The following PDE3B variants were observed in gnomAD, a reference collection of about 807,000 sequenced individuals.
The protein encoded by PDE3B is phosphodiesterase 3B.
Under a neutral mutation model 116.8 loss-of-function variants are expected in PDE3B, and 66 were observed. The ratio of observed to expected loss-of-function variants is 0.56; its 90% confidence interval spans 0.46 to 0.69. The LOEUF (loss-of-function observed/expected upper bound fraction) is 0.69, where lower values mean the gene tolerates loss of function less well. Among genes scored for constraint, PDE3B ranks in the 30% least tolerant of loss-of-function variants. The pLI, the probability that PDE3B is intolerant of heterozygous loss-of-function variation, is 0.00. For synonymous variants in PDE3B, 595 were observed against 533.6 expected (o/e 1.12, Z -1.59); for missense variants, 1,384 against 1,368.1 (o/e 1.01, Z -0.18).
chr11:14,644,326 C>T lies in PDE3B; in HGVS notation c.251C>T (p.Ala84Val), dbSNP rs755210946. The T allele has an allele frequency of 7.8e-5, 123 of 1,572,440 alleles. No homozygotes were observed. The highest frequency in any genetic ancestry group is 1.1e-4 in the Non-Finnish European group (123 of 1,164,630). ...PFCRARLSLG[A>V]LAAFVLALLL... is the part of the protein sequence containing the mutation. ...TGCCGGGCGCGCCTCTCGCTGGGCG[C>T]CCTGGCTGCCTTTGTCCTCGCCCTG... Residue 84 changes from alanine to valine, a missense_variant, in exon 1 of 16, where the codon GCC (alanine) becomes GTC (valine). Ala to Val is a moderately conservative substitution (Grantham distance 64). Coordinates refer to ENST00000282096, the MANE Select transcript of PDE3B (RefSeq NM_000922.4).
the PDE3B span, chr11:14,880,521 G>A: frequency 1.4e-5 from 22 of 1,613,452 alleles, no homozygotes; most frequent in Admixed American, 6.7e-5. Context: ...GCTGAAAATC[G>A]GTGTCTTCAT....
chr11:14,845,000 G>A (rs1285980383), intron 12 of PDE3B, among the ~76,000 whole-genome samples: 2,313 of 152,244 alleles, frequency 0.015, 56 homozygotes, highest in African/African-American at 0.053. Context: ...CTCCCAGCAC[G>A]CAGCTGGAGA....
At chr11:14,736,398 G>A (rs1212130283) in intron 1 of PDE3B, among the ~76,000 whole-genome samples, 4 of 152,128 alleles carry the variant, frequency 2.6e-5, no homozygotes, top group Non-Finnish European at 5.9e-5. Context: ...GCACATTTTC[G>A]TAGAGAACAC....
At chr11:14,824,244 C>T (rs112645679) in intron 7 of PDE3B, among the ~76,000 whole-genome samples, 2,008 of 152,292 alleles carry the variant, frequency 0.013, 102 homozygotes, top group East Asian at 0.075. Flanking sequence ...CCTAAATGGT[C>T]AGTATCTTAT....
At chr11:14,746,545 T>G (rs1284633612) in intron 1 of PDE3B, among the ~76,000 whole-genome samples, 1 of 152,220 alleles carries the variant, frequency 6.6e-6, no homozygotes, top group Non-Finnish European at 1.5e-5. Context: ...ATGTCTTAGT[T>G]GCCCTTTTCT....
At chr11:14,771,104 A>G (rs748490102) in intron 1 of PDE3B, among the ~76,000 whole-genome samples, 3 of 151,750 alleles carry the variant, frequency 2.0e-5, no homozygotes, top group Non-Finnish European at 4.4e-5. Context: ...TATAGAAATT[A>G]TGAGATTATA....
the PDE3B span, chr11:14,880,538 A>C: frequency 6.2e-7 from 1 of 1,613,522 alleles, no homozygotes; most frequent in African/African-American, 1.3e-5. Flanking sequence ...TCATAAGTGA[A>C]TCGTTCTCCA....
intron 2 of PDE3B, among the ~76,000 whole-genome samples, chr11:14,783,668 G>A (rs1415184168): frequency 6.6e-6 from 1 of 152,034 alleles, no homozygotes. Context: ...TGTAAATGAG[G>A]AGTTGATGGG....
intron 1 of PDE3B, chr11:14,673,500 A>G (rs12290926): frequency 0.39 from 130,612 of 331,350 alleles, 27,968 homozygotes; most frequent in South Asian, 0.47. Context: ...AACATCTTCA[A>G]AGCACATCGT....
intron 1 of PDE3B, among the ~76,000 whole-genome samples, chr11:14,768,273 A>G (rs766332783): frequency 6.6e-6 from 1 of 151,562 alleles, no homozygotes; most frequent in Non-Finnish European, 1.5e-5. Context: ...AACAGACACC[A>G]TCAACCCACC....
chr11:14,879,298 T>G, the PDE3B span: 11 of 1,613,322 alleles, frequency 6.8e-6, no homozygotes, highest in Admixed American at 1.8e-4. Context: ...CTTCAGAGGT[T>G]GCATGGAAAA....
intron 1 of PDE3B, among the ~76,000 whole-genome samples, chr11:14,690,589 C>G (rs1650655011): frequency 1.4e-5 from 2 of 141,318 alleles, no homozygotes; most frequent in African/African-American, 5.2e-5. Flanking sequence ...ACCTTTGTAT[C>G]TAATTTTGTA....
rs763838039 is a variant in PDE3B, at chr11:14,644,061, C to T, written c.-15C>T. ...CGGGGTGTGCTGAGTCCCGTGGCCACCCCCGGCCCCAGCCATGAGGAGGGA... is the reference window on the plus strand; with the variant it reads ...CGGGGTGTGCTGAGTCCCGTGGCCATCCCCGGCCCCAGCCATGAGGAGGGA... On this transcript the variant is annotated 5_prime_UTR_variant, in exon 1 of 16. Coordinates refer to ENST00000282096, the MANE Select transcript of PDE3B (RefSeq NM_000922.4). The T allele has an allele frequency of 1.9e-5, 29 of 1,498,650 alleles. No individual in the cohort carries two copies. The South Asian group carries it at 2.7e-4, about 14-fold the overall frequency. 92.8% of individuals were successfully genotyped at this position (1,498,650 alleles called of 1,614,324 possible). A position where few individuals can be genotyped will look rare whatever the true frequency, so the allele number is the denominator to read the frequency against.
At chr11:14,775,080 C>T (rs528481357) in intron 2 of PDE3B, 8 of 152,294 alleles carry the variant, frequency 5.3e-5, no homozygotes, top group South Asian at 2.1e-4. Flanking sequence ...AATTGCATTG[C>T]GTTCTATCAC....
intron 1 of PDE3B, among the ~76,000 whole-genome samples, chr11:14,763,425 A>G (rs1228233358): frequency 1.3e-5 from 2 of 152,120 alleles, no homozygotes; most frequent in Admixed American, 6.6e-5. Flanking sequence ...CAACCAATAA[A>G]GACAACTCTT....
chr11:14,868,697 G>C (rs1848091062), intron 15 of PDE3B, among the ~76,000 whole-genome samples: 1 of 152,038 alleles, frequency 6.6e-6, no homozygotes, highest in African/African-American at 2.4e-5. Flanking sequence ...GACCAGACAG[G>C]AAAACTACAA....
intron 1 of PDE3B, among the ~76,000 whole-genome samples, chr11:14,702,864 T>A (rs140724599): frequency 6.6e-6 from 1 of 151,858 alleles, no homozygotes; most frequent in Non-Finnish European, 1.5e-5. Context: ...TTATCTACCA[T>A]CATCTGTCCC....
At chr11:14,820,625 T>A (rs1859487897) in intron 7 of PDE3B, among the ~76,000 whole-genome samples, 1 of 152,186 alleles carries the variant, frequency 6.6e-6, no homozygotes, top group Non-Finnish European at 1.5e-5. Context: ...GTCGAAATCC[T>A]ATACCCTGAT....
chr11:14,803,911 T>TA, intron 4 of PDE3B, 33 bp from the exon 5 acceptor site: 1 of 1,226,466 alleles, frequency 8.2e-7, no homozygotes, highest in Non-Finnish European at 1.2e-6. Flanking sequence ...TTCCTGTTTT[T>TA]AAAAATTTTA....
Sources: allele counts gnomAD v4.1 joint callset (sites outside exome capture counted in the v4.1 genomes callset), GRCh38; gene constraint gnomAD v4.1.1; transcripts MANE v1.5; gene names NCBI Gene and HGNC (gene_info 2026-07-23, HGNC 2026-07-21).